L3MBTL4: variants seen among roughly 807,000 people sequenced by gnomAD.
L3MBTL4 encodes the protein lethal(3)malignant brain tumor-like protein 4.
Under a neutral mutation model 84.5 loss-of-function variants are expected in L3MBTL4, and 70 were observed. The observed-to-expected ratio is 0.83, with a 90% CI of 0.68 to 1.01. L3MBTL4 has a LOEUF of 1.01. L3MBTL4 is among the 50% of genes least tolerant of loss of function. The pLI, the probability that L3MBTL4 is intolerant of heterozygous loss-of-function variation, is 0.00. For synonymous variants in L3MBTL4, 274 were observed against 259.8 expected, an observed-to-expected ratio of 1.05 and a Z score of -0.52; for missense variants, 715 against 754.8, an observed-to-expected ratio of 0.95 and a Z score of 0.62.
intron 10 of L3MBTL4, among the ~76,000 whole-genome samples, chr18:6,234,509 T>C (rs2047134027): frequency 1.3e-5 from 2 of 152,104 alleles, no homozygotes; most frequent in African/African-American, 4.8e-5. Flanking sequence ...GGGCAAAGAA[T>C]ATGAACAGAC....
chr18:6,241,248 A>G, intron 8 of L3MBTL4, 110 bp downstream of exon 8: 1 of 695,216 alleles, frequency 1.4e-6, no homozygotes, highest in Non-Finnish European at 2.5e-6. Context: ...CAGGAAGTTA[A>G]CAGTTTCCAT....
intron 16 of L3MBTL4, among the ~76,000 whole-genome samples, chr18:6,005,698 A>G (rs2054444997): frequency 6.6e-6 from 1 of 152,122 alleles, no homozygotes; most frequent in Non-Finnish European, 1.5e-5. Context: ...GTAGTATTCC[A>G]TGGTGTATAT....
At chr18:6,370,150 A>G (rs61628715) in intron 1 of L3MBTL4, among the ~76,000 whole-genome samples, 8 of 151,050 alleles carry the variant, frequency 5.3e-5, no homozygotes, top group Non-Finnish European at 1.0e-4. Flanking sequence ...AAAAAAAAAA[A>G]AAAAGAAAGC....
chr18:6,162,332 T>A (rs933691315), intron 13 of L3MBTL4, among the ~76,000 whole-genome samples: 1 of 152,104 alleles, frequency 6.6e-6, no homozygotes, highest in African/African-American at 2.4e-5. Context: ...AATAAAGTTA[T>A]CATAGATAAG....
At chr18:6,322,382 A>G (rs2051453411) in intron 1 of L3MBTL4, among the ~76,000 whole-genome samples, 1 of 151,068 alleles carries the variant, frequency 6.6e-6, no homozygotes, top group South Asian at 2.1e-4. Context: ...AAAGAAAAAG[A>G]AAGAAAATGA....
intron 1 of L3MBTL4, chr18:6,326,428 T>A (rs1015852880): frequency 8.5e-5 from 13 of 152,238 alleles, no homozygotes; most frequent in Admixed American, 3.3e-4. Flanking sequence ...GTGAACTAAC[T>A]AATTTACCTG....
rs549230558 is a variant in L3MBTL4 at position 6,272,230 on chromosome 18, C to T, written c.128-8192G>A. On this transcript the variant is annotated intron_variant, in intron 4 of 18. Coordinates refer to ENST00000317931, the MANE Select transcript of L3MBTL4 (RefSeq NM_001330559.2). ...TGGGAACACAGGTAGGGGGAGGACC[C>T]TGAGATAAAAAGGCGGGTGGTGAAT... Among the ~76,000 whole-genome samples the T allele has an allele frequency of 5.3e-5, 8 of 152,210 alleles. No individual in the cohort carries two copies. The East Asian group carries it at 1.5e-3, about 29-fold the overall frequency.
At chr18:6,267,243 A>G (rs1465672403) in intron 4 of L3MBTL4, among the ~76,000 whole-genome samples, 1 of 152,228 alleles carries the variant, frequency 6.6e-6, no homozygotes, top group Non-Finnish European at 1.5e-5. Context: ...CTAACTCGTT[A>G]TTGCTAGATA....
chr18:6,087,682 T>C (rs571878814), intron 15 of L3MBTL4, among the ~76,000 whole-genome samples: 2 of 152,342 alleles, frequency 1.3e-5, no homozygotes, highest in Admixed American at 6.5e-5. Context: ...AATAAAGGTC[T>C]AAATTCCTGT....
At position 5,987,411 on chromosome 18, in the gene L3MBTL4, G is replaced by A. The variant is rs9635862; in HGVS notation, c.1445-17849C>T. The stretch of plus-strand genomic sequence containing the variant: ...CCATGGGGCGAAGCCCAGCAGTGTG[G>A]GAATGTACTCGCAAACCCCACACAG... On this transcript the variant is annotated intron_variant, in intron 16 of 18. Coordinates refer to ENST00000317931, the MANE Select transcript of L3MBTL4 (RefSeq NM_001330559.2). Among the ~76,000 whole-genome samples the A allele has an allele frequency of 0.013, 2,015 of 152,358 alleles. 99 individuals carry two copies. In the East Asian group the frequency reaches 0.15, roughly 11 times the overall value.
At chr18:6,166,375 ATTT>A (rs1282163952) in intron 13 of L3MBTL4, among the ~76,000 whole-genome samples, 1 of 152,106 alleles carries the variant, frequency 6.6e-6, no homozygotes, top group Non-Finnish European at 1.5e-5. Context: ...CAGAATATAC[ATTT>A]TTTTCAGCAC....
intron 17 of L3MBTL4, among the ~76,000 whole-genome samples, chr18:5,962,809 T>C (rs1171198622): frequency 1.3e-5 from 2 of 152,194 alleles, no homozygotes; most frequent in Non-Finnish European, 2.9e-5. Flanking sequence ...AGGAAAATGC[T>C]GTAAAGCCAA....
chr18:6,158,024 C>T (rs1166295894), intron 13 of L3MBTL4, among the ~76,000 whole-genome samples: 1 of 152,186 alleles, frequency 6.6e-6, no homozygotes, highest in Non-Finnish European at 1.5e-5. Context: ...TACTCAAGAA[C>T]TCACTCACTC....
At chr18:6,401,852 G>A (rs1314314975) in intron 1 of L3MBTL4, among the ~76,000 whole-genome samples, 1 of 152,242 alleles carries the variant, frequency 6.6e-6, no homozygotes, top group Non-Finnish European at 1.5e-5. Context: ...GTGCAGTAGG[G>A]CAAGGGTGTA....
intron 4 of L3MBTL4, among the ~76,000 whole-genome samples, chr18:6,283,829 A>C (rs1357504933): frequency 6.6e-6 from 1 of 152,242 alleles, no homozygotes; most frequent in Non-Finnish European, 1.5e-5. Context: ...GCAAAACCAA[A>C]ATTCAGACAA....
At chr18:6,249,916 C>G (rs1036869231) in intron 5 of L3MBTL4, among the ~76,000 whole-genome samples, 3 of 152,150 alleles carry the variant, frequency 2.0e-5, no homozygotes, top group Admixed American at 1.3e-4. Context: ...GGTCACACAG[C>G]TAGTTTAGTA....
chr18:6,048,464 A>G (rs1441193636), intron 16 of L3MBTL4, among the ~76,000 whole-genome samples: 2 of 152,178 alleles, frequency 1.3e-5, no homozygotes, highest in Non-Finnish European at 2.9e-5. Flanking sequence ...GAGGCATCAC[A>G]TTACCCAACT....
intron 5 of L3MBTL4, among the ~76,000 whole-genome samples, chr18:6,261,946 T>G (rs1438398515): frequency 1.3e-5 from 2 of 152,024 alleles, no homozygotes; most frequent in African/African-American, 4.8e-5. Flanking sequence ...CACCCAAACA[T>G]CTGATTTAAT....
At chr18:6,402,747 T>G (rs1200442161) in intron 1 of L3MBTL4, among the ~76,000 whole-genome samples, 1 of 152,100 alleles carries the variant, frequency 6.6e-6, no homozygotes, top group Non-Finnish European at 1.5e-5. Context: ...AAGGCGGAAG[T>G]TTTAGAAGAA....
Sources: allele counts gnomAD v4.1 joint callset (sites outside exome capture counted in the v4.1 genomes callset), GRCh38; gene constraint gnomAD v4.1.1; transcripts MANE v1.5; gene names NCBI Gene and HGNC (gene_info 2026-07-23, HGNC 2026-07-21).